The following ASRGL1 variants were observed in gnomAD, a reference collection of about 807,000 sequenced individuals.
The protein encoded by ASRGL1 is isoaspartyl peptidase/L-asparaginase.
In ASRGL1, 16 loss-of-function variants were observed where a neutral mutation model predicts 22.4. That is an observed-to-expected ratio of 0.71 (90% CI 0.48 to 1.08). The LOEUF (loss-of-function observed/expected upper bound fraction) is 1.08, where lower values mean the gene tolerates loss of function less well. Among genes scored for constraint, ASRGL1 ranks in the 50% least tolerant of loss-of-function variants. The probability of loss-of-function intolerance (pLI) is 0.00; values close to 1 mark genes in which losing one functional copy is unlikely to be tolerated. For synonymous variants in ASRGL1, 165 were observed against 159.3 expected, an observed-to-expected ratio of 1.04 and a Z score of -0.27; for missense variants, 412 against 410.1, an observed-to-expected ratio of 1.00 and a Z score of -0.04.
At position 62,389,262 on chromosome 11, in the gene ASRGL1, G is replaced by A; in HGVS notation, c.610+11G>A. 1.2e-6 allele frequency: 2 copies of A among 1,605,366 alleles called. No individual in the cohort carries two copies. The highest frequency in any genetic ancestry group is 1.7e-6 in the Non-Finnish European group (2 of 1,172,096). ...ACTCACCGTGTCTAGGTAGGACCAA[G>A]GGATGCCTCCTGCCCCTTCCCCTCT... On this transcript the variant is annotated intron_variant, in intron 5 of 6. Coordinates refer to ENST00000415229, the MANE Select transcript of ASRGL1 (RefSeq NM_001083926.2).
chr11:62,348,151 C>T (rs1590708465), intron 2 of ASRGL1, among the ~76,000 whole-genome samples: 1 of 152,114 alleles, frequency 6.6e-6, no homozygotes, highest in African/African-American at 2.4e-5. Flanking sequence ...TGCCATTTCA[C>T]GTAGAGGACT....
At chr11:62,350,839 C>T (rs1009156960) in intron 2 of ASRGL1, among the ~76,000 whole-genome samples, 7 of 152,108 alleles carry the variant, frequency 4.6e-5, no homozygotes, top group African/African-American at 1.7e-4. Flanking sequence ...TATCTGTCTT[C>T]TAATTAGTAT....
At chr11:62,342,070 A>T (rs1590701454) in intron 2 of ASRGL1, among the ~76,000 whole-genome samples, 1 of 152,142 alleles carries the variant, frequency 6.6e-6, no homozygotes, top group East Asian at 1.9e-4. Context: ...GTTATTTATA[A>T]CCTGACGCAT....
chr11:62,364,386 C>T (rs1006122361), intron 4 of ASRGL1, among the ~76,000 whole-genome samples: 14 of 152,126 alleles, frequency 9.2e-5, no homozygotes, highest in Admixed American at 9.2e-4. Flanking sequence ...AACTTTCAGT[C>T]ATGTGAAAAC....
intron 4 of ASRGL1, among the ~76,000 whole-genome samples, chr11:62,361,574 G>A (rs12274607): frequency 0.047 from 6,530 of 138,138 alleles, 504 homozygotes; most frequent in African/African-American, 0.17. Flanking sequence ...TGCAACCTCC[G>A]CCTCCCAGGT....
chr11:62,358,710 A>T (rs79486818), intron 4 of ASRGL1, among the ~76,000 whole-genome samples: 35 of 152,196 alleles, frequency 2.3e-4, no homozygotes, highest in Non-Finnish European at 4.6e-4. Flanking sequence ...AGTAACCCCA[A>T]TCATTGCTCT....
intron 4 of ASRGL1, among the ~76,000 whole-genome samples, chr11:62,368,884 T>C (rs1946685348): frequency 6.6e-6 from 1 of 152,192 alleles, no homozygotes; most frequent in Admixed American, 6.5e-5. Context: ...TAAGGCTGTT[T>C]TCTCCTATCT....
At position 62,357,326 on chromosome 11, in the gene ASRGL1, T is replaced by C. The variant is rs1946326848; in HGVS notation, c.491+182T>C. On this transcript the variant is annotated intron_variant, in intron 4 of 6. Transcript: ENST00000415229. Reference sequence around the variant, plus strand: ...GTACAGTGGTGCGATCTCGGCTCACTGCAGCCTCCGCCTCCCAGGCTCAAG... The same window carrying C: ...GTACAGTGGTGCGATCTCGGCTCACCGCAGCCTCCGCCTCCCAGGCTCAAG... 4.8e-6 allele frequency: 3 copies of C among 631,420 alleles called. No individual in the cohort carries two copies. The Admixed American group carries it at 1.0e-4, about 21-fold the overall frequency. 39.1% of individuals were successfully genotyped at this position (631,420 alleles called of 1,614,324 possible).
At chr11:62,338,998 C>G (rs1189934877) in intron 2 of ASRGL1, among the ~76,000 whole-genome samples, 2 of 150,068 alleles carry the variant, frequency 1.3e-5, no homozygotes, top group East Asian at 3.9e-4. Flanking sequence ...TTGAGGAGAC[C>G]AAGATTTCCC....
At chr11:62,400,152 C>T in the ASRGL1 span, among the ~76,000 whole-genome samples, 10 of 152,190 alleles carry the variant, frequency 6.6e-5, no homozygotes, top group South Asian at 2.1e-4. Context: ...GGCTGTAGGC[C>T]GGGTCCCCCA....
intron 2 of ASRGL1, among the ~76,000 whole-genome samples, chr11:62,342,435 A>C (rs1477402484): frequency 1.3e-5 from 2 of 152,230 alleles, no homozygotes; most frequent in Non-Finnish European, 2.9e-5. Flanking sequence ...AAGAGAAGTT[A>C]CTGTTTATTC....
chr11:62,393,265 C>T lies in ASRGL1; in HGVS notation c.*981C>T, dbSNP rs1310671404. 1.3e-5 allele frequency: 2 copies of T among 152,140 alleles called. No individual in the cohort carries two copies. Among genetic ancestry groups the T allele is most frequent in the East Asian group, 3.8e-4 (2 of 5,200 alleles). 9.4% of individuals were successfully genotyped at this position (152,140 alleles called of 1,614,324 possible). On this transcript the variant is annotated 3_prime_UTR_variant, in exon 7 of 7. Coordinates refer to ENST00000415229, the MANE Select transcript of ASRGL1 (RefSeq NM_001083926.2). The stretch of plus-strand genomic sequence containing the variant: ...AGTCATTTCCTCGGTGGGCAGTATT[C>T]CTCTTTATCTCTCATTACACTGGAA...
At chr11:62,364,145 T>C (rs12274086) in intron 4 of ASRGL1, among the ~76,000 whole-genome samples, 39,058 of 115,706 alleles carry the variant, frequency 0.34, 5,636 homozygotes, top group Admixed American at 0.45. Flanking sequence ...GGTGACAGGG[T>C]AAGAGTCCGT....
intron 4 of ASRGL1, among the ~76,000 whole-genome samples, chr11:62,376,997 C>T (rs1334003313): frequency 3.3e-5 from 5 of 152,210 alleles, no homozygotes; most frequent in African/African-American, 9.7e-5. Flanking sequence ...TGCCATAACA[C>T]ATTAGGACAT....
intron 4 of ASRGL1, among the ~76,000 whole-genome samples, chr11:62,368,607 C>T (rs953608735): frequency 6.6e-5 from 10 of 151,974 alleles, no homozygotes; most frequent in South Asian, 4.2e-4. Flanking sequence ...CCCAGGGGAC[C>T]GGCGCTCAGC....
intron 4 of ASRGL1, among the ~76,000 whole-genome samples, chr11:62,375,159 G>T (rs1287243393): frequency 2.6e-5 from 4 of 151,952 alleles, no homozygotes; most frequent in Admixed American, 6.6e-5. Context: ...GCCTTGTCCC[G>T]CACCTCCTTC....
the ASRGL1 span, among the ~76,000 whole-genome samples, chr11:62,400,831 C>T: frequency 2.6e-5 from 4 of 152,280 alleles, no homozygotes; most frequent in African/African-American, 4.8e-5. Flanking sequence ...CAGTTAAGTG[C>T]ATCTCCCTCC....
At chr11:62,378,778 A>G (rs1221369889) in intron 4 of ASRGL1, among the ~76,000 whole-genome samples, 2 of 152,158 alleles carry the variant, frequency 1.3e-5, no homozygotes, top group Non-Finnish European at 2.9e-5. Context: ...TAATAAATGT[A>G]AAGCCTCCAG....
chr11:62,362,479 T>TATATATAATATATATTATATAAA (rs1946459973), intron 4 of ASRGL1, among the ~76,000 whole-genome samples: 3 of 115,500 alleles, frequency 2.6e-5, no homozygotes, highest in South Asian at 2.3e-4. Flanking sequence ...TTATATAAAA[T>TATATATAATATATATTATATAAA]ATATATAATA....
Sources: gnomAD v4.1 joint callset for allele counts (sites outside exome capture counted in the v4.1 genomes callset) on GRCh38, gnomAD v4.1.1 for gene constraint, MANE v1.5 for transcripts, NCBI Gene and HGNC (gene_info 2026-07-23, HGNC 2026-07-21) for gene names.